KLF12: variants seen among roughly 807,000 people sequenced by gnomAD.
The protein encoded by KLF12 is KLF transcription factor 12.
A neutral mutation model predicts 37.8 loss-of-function variants in KLF12; 9 were observed. The observed-to-expected ratio is 0.24, with a 90% CI of 0.14 to 0.42. KLF12 has a LOEUF of 0.42. KLF12 is among the 10% of genes least tolerant of loss of function. The pLI is 1.00. For missense variants in KLF12, 411 were observed against 516.0 expected (o/e 0.80, Z 1.97); for synonymous variants, 208 against 202.1 (o/e 1.03, Z -0.25).
chr13:74,007,449 G>A (rs1266536365), intron 1 of KLF12, among the ~76,000 whole-genome samples: 2 of 142,240 alleles, frequency 1.4e-5, no homozygotes, highest in Non-Finnish European at 3.1e-5. Flanking sequence ...TTTTTTTTTT[G>A]TATTTTTAGT....
the KLF12 span, among the ~76,000 whole-genome samples, chr13:74,170,081 C>T: frequency 6.6e-6 from 1 of 152,054 alleles, no homozygotes; most frequent in Non-Finnish European, 1.5e-5. Flanking sequence ...CACATTTACA[C>T]CTATAGACAC....
intron 6 of KLF12, among the ~76,000 whole-genome samples, chr13:73,723,926 C>T (rs7319624): frequency 0.58 from 87,489 of 152,008 alleles, 26,497 homozygotes; most frequent in East Asian, 0.72. Flanking sequence ...GAAATAGGAA[C>T]ACTACACTGT....
chr13:73,838,709 A>C (rs1884572391), intron 4 of KLF12, among the ~76,000 whole-genome samples: 1 of 152,200 alleles, frequency 6.6e-6, no homozygotes, highest in African/African-American at 2.4e-5. Flanking sequence ...AAAATGTGGG[A>C]TGGTAGGAAA....
intron 1 of KLF12, among the ~76,000 whole-genome samples, chr13:74,038,767 G>T (rs925456274): frequency 2.6e-5 from 4 of 152,038 alleles, no homozygotes; most frequent in Non-Finnish European, 5.9e-5. Context: ...TAAGAAAGGG[G>T]GTTGTGTTTG....
chr13:74,173,158 A>G, the KLF12 span, among the ~76,000 whole-genome samples: 2 of 152,356 alleles, frequency 1.3e-5, no homozygotes, highest in South Asian at 4.1e-4. Flanking sequence ...CAATTCTGAG[A>G]AGGAGACAAC....
intron 5 of KLF12, among the ~76,000 whole-genome samples, chr13:73,810,977 T>TC (rs1882898740): frequency 1.0e-5 from 1 of 97,356 alleles, no homozygotes; most frequent in Non-Finnish European, 2.2e-5. Context: ...TTTTAATTTT[T>TC]CTTTCTTTTT....
intron 1 of KLF12, among the ~76,000 whole-genome samples, chr13:74,043,442 T>A (rs1162286733): frequency 1.3e-5 from 2 of 152,182 alleles, no homozygotes; most frequent in Non-Finnish European, 2.9e-5. Flanking sequence ...CAGGCCCCAG[T>A]GGGAAAATGG....
At chr13:74,277,490 T>C in the KLF12 span, among the ~76,000 whole-genome samples, 1 of 152,182 alleles carries the variant, frequency 6.6e-6, no homozygotes, top group African/African-American at 2.4e-5. Context: ...ATAGACTAGA[T>C]ACTCAGAATA....
the KLF12 span, among the ~76,000 whole-genome samples, chr13:74,213,289 T>C: frequency 6.6e-6 from 1 of 152,168 alleles, no homozygotes; most frequent in Non-Finnish European, 1.5e-5. Context: ...GCTGTGATTG[T>C]AAGTAATTAC....
intron 4 of KLF12, among the ~76,000 whole-genome samples, chr13:73,834,074 T>C (rs1884304937): frequency 6.6e-6 from 1 of 152,238 alleles, no homozygotes; most frequent in African/African-American, 2.4e-5. Flanking sequence ...AAATATTAGC[T>C]AATGAGGCTT....
At chr13:73,904,614 G>C (rs1888192296) in intron 3 of KLF12, among the ~76,000 whole-genome samples, 1 of 151,554 alleles carries the variant, frequency 6.6e-6, no homozygotes, top group Non-Finnish European at 1.5e-5. Flanking sequence ...ATTCATTTAA[G>C]TGATAATCTT....
chr13:73,909,396 A>T (rs994711469), intron 3 of KLF12, among the ~76,000 whole-genome samples: 2 of 152,194 alleles, frequency 1.3e-5, no homozygotes, highest in Non-Finnish European at 1.5e-5. Flanking sequence ...CCTGAAGTAC[A>T]CATGATGAAG....
At chr13:73,849,308 G>C (rs1186125182) in intron 3 of KLF12, among the ~76,000 whole-genome samples, 1 of 149,928 alleles carries the variant, frequency 6.7e-6, no homozygotes, top group East Asian at 2.0e-4. Context: ...GAACCCAGGA[G>C]GTGGAGGCTG....
chr13:73,814,910 G>C (rs572953629), intron 4 of KLF12, among the ~76,000 whole-genome samples: 36 of 152,072 alleles, frequency 2.4e-4, no homozygotes, highest in African/African-American at 7.7e-4. Context: ...CTGATCTAGG[G>C]ATTTAAGAGT....
chr13:74,221,026 C>CA, the KLF12 span, among the ~76,000 whole-genome samples: 2 of 144,960 alleles, frequency 1.4e-5, no homozygotes, highest in Non-Finnish European at 3.0e-5. Flanking sequence ...TTTTTTGAGA[C>CA]AGAGTCTGGC....
chr13:74,136,858 A>C (rs1315494902), upstream of KLF12, among the ~76,000 whole-genome samples: 1 of 152,208 alleles, frequency 6.6e-6, no homozygotes, highest in Admixed American at 6.5e-5. Context: ...ATGGAGTAGA[A>C]ATCTTAAGGC....
chr13:74,205,581 C>T, the KLF12 span, among the ~76,000 whole-genome samples: 20 of 152,266 alleles, frequency 1.3e-4, no homozygotes, highest in Admixed American at 7.2e-4. Flanking sequence ...TGTATGGACA[C>T]GTAAAGCTTT....
At chr13:74,029,811 T>C (rs1296054294) in intron 1 of KLF12, among the ~76,000 whole-genome samples, 1 of 152,092 alleles carries the variant, frequency 6.6e-6, no homozygotes, top group African/African-American at 2.4e-5. Flanking sequence ...TTTCATAACT[T>C]AATCTCCTAA....
At chr13:74,179,565 G>T in the KLF12 span, among the ~76,000 whole-genome samples, 1 of 152,182 alleles carries the variant, frequency 6.6e-6, no homozygotes, top group African/African-American at 2.4e-5. Context: ...TTAGGGAAAA[G>T]ATTTTTACCC....
Sources: allele counts gnomAD v4.1 joint callset (sites outside exome capture counted in the v4.1 genomes callset), GRCh38; gene constraint gnomAD v4.1.1; transcripts MANE v1.5; gene names NCBI Gene and HGNC (gene_info 2026-07-23, HGNC 2026-07-21).